Variants in AP3B1 observed in about 807,000 individuals in gnomAD.
AP3B1 encodes AP-3 complex subunit beta-1.
AP3B1 carries 61 observed loss-of-function variants against 132.5 expected under a neutral mutation model. The observed-to-expected ratio is 0.46, with a 90% CI of 0.37 to 0.57. The LOEUF is 0.57. Among genes scored for constraint, AP3B1 ranks in the 20% least tolerant of loss-of-function variants. The pLI is 0.00. For missense variants in AP3B1, 1,120 were observed against 1,289.4 expected (o/e 0.87, Z 2.01); for synonymous variants, 388 against 438.3 (o/e 0.89, Z 1.43).
At chr5:78,212,718 C>T (rs1168608369) in intron 7 of AP3B1, among the ~76,000 whole-genome samples, 2 of 152,044 alleles carry the variant, frequency 1.3e-5, no homozygotes, top group Non-Finnish European at 2.9e-5. Context: ...ACTGTTTCAC[C>T]TTGTCTTTTT....
intron 17 of AP3B1, among the ~76,000 whole-genome samples, chr5:78,126,800 A>T (rs1561425927): frequency 6.6e-6 from 1 of 152,190 alleles, no homozygotes; most frequent in East Asian, 1.9e-4. Flanking sequence ...ATACAGTAAC[A>T]GCATGGACAG....
At chr5:78,143,806 G>C (rs972974462) in intron 14 of AP3B1, among the ~76,000 whole-genome samples, 1 of 152,126 alleles carries the variant, frequency 6.6e-6, no homozygotes, top group Admixed American at 6.5e-5. Context: ...TTGAGGACAG[G>C]AGTTTGAGAC....
At chr5:78,177,238 A>G (rs1377622203) in intron 9 of AP3B1, 101 bp downstream of exon 9, 3 of 765,460 alleles carry the variant, frequency 3.9e-6, no homozygotes, top group African/African-American at 1.8e-5. Flanking sequence ...TGATTAAAAT[A>G]TAGTCAGAGT....
Position 78,083,684 on chromosome 5 carries a change from T to C in AP3B1, c.2577+5709A>G, listed in dbSNP as rs528970325. Among the ~76,000 whole-genome samples, 9 of 152,320 alleles carry C rather than the reference T, an allele frequency of 5.9e-5. No individual in the cohort carries two copies. The South Asian group carries it at 1.7e-3, about 28-fold the overall frequency. ...GCCAGTCTCTGGCAAGACTAAAACA[T>C]GCTGTGTTTATAAATAATATTTATT... is the stretch of plus-strand genomic sequence containing the variant. On this transcript the variant is annotated intron_variant, in intron 22 of 26. Transcript: ENST00000255194.
chr5:78,267,751 C>T (rs1446083786), intron 1 of AP3B1, among the ~76,000 whole-genome samples, 156 bp from the exon 2 acceptor site: 3 of 152,128 alleles, frequency 2.0e-5, no homozygotes, highest in Admixed American at 2.0e-4. Context: ...AGAAAGGCCT[C>T]AGCAGAAACC....
At chr5:78,036,686 A>C (rs1261295456) in intron 23 of AP3B1, among the ~76,000 whole-genome samples, 2 of 152,168 alleles carry the variant, frequency 1.3e-5, no homozygotes, top group Non-Finnish European at 2.9e-5. Flanking sequence ...ACACAGAGTG[A>C]AATCCAGAAA....
At chr5:78,111,280 C>G (rs1055862429) in intron 19 of AP3B1, among the ~76,000 whole-genome samples, 1 of 151,978 alleles carries the variant, frequency 6.6e-6, no homozygotes, top group Admixed American at 6.6e-5. Flanking sequence ...AATGATCATA[C>G]CTAAGTGCTT....
intron 3 of AP3B1, among the ~76,000 whole-genome samples, chr5:78,230,386 A>C (rs1032875983): frequency 6.7e-6 from 1 of 149,090 alleles, no homozygotes; most frequent in Non-Finnish European, 1.5e-5. Context: ...TAAATATGTT[A>C]AACACAACCA....
chr5:78,161,034 A>G (rs1743367080), intron 13 of AP3B1, among the ~76,000 whole-genome samples: 1 of 152,022 alleles, frequency 6.6e-6, no homozygotes, highest in Non-Finnish European at 1.5e-5. Flanking sequence ...TTGTATCAAA[A>G]AACAAAAGCC....
At chr5:78,030,185 G>C (rs950976010) in intron 24 of AP3B1, among the ~76,000 whole-genome samples, 2 of 151,768 alleles carry the variant, frequency 1.3e-5, no homozygotes, top group African/African-American at 2.4e-5. Context: ...GGAAAGCAGC[G>C]GCTATTCACA....
At chr5:78,291,489 A>T (rs1157844947) in intron 1 of AP3B1, among the ~76,000 whole-genome samples, 1 of 151,536 alleles carries the variant, frequency 6.6e-6, no homozygotes, top group East Asian at 1.9e-4. Context: ...TAGGAAAATT[A>T]ACATCATGAA....
rs1008660110 is a variant in AP3B1 at position 78,205,609 on chromosome 5, A to G, written c.786+10446T>C. Among the ~76,000 whole-genome samples the G allele has an allele frequency of 1.1e-4, 17 of 152,270 alleles. 1 individual carries two copies. The South Asian group carries it at 3.5e-3, about 32-fold the overall frequency. On this transcript the variant is annotated intron_variant, in intron 7 of 26. Transcript: ENST00000255194. ...TTGAGGAAGGCAGTAGCTAACCACT[A>G]AAGGAAATGTTAAAAAAGCAAAGGT...
At chr5:78,172,504 T>A (rs932253727) in intron 11 of AP3B1, among the ~76,000 whole-genome samples, 4 of 152,248 alleles carry the variant, frequency 2.6e-5, no homozygotes, top group Non-Finnish European at 4.4e-5. Flanking sequence ...TTCTTCTAGA[T>A]TTTCTAGTTG....
At chr5:78,181,769 G>A (rs576402363) in intron 7 of AP3B1, 107 bp from the exon 8 acceptor site, 307 of 918,512 alleles carry the variant, frequency 3.3e-4, no homozygotes, top group Non-Finnish European at 4.0e-4. Flanking sequence ...ACATTTTACC[G>A]TAGAATACTT....
At chr5:78,029,695 T>C (rs1747491449) in intron 24 of AP3B1, among the ~76,000 whole-genome samples, 1 of 152,138 alleles carries the variant, frequency 6.6e-6, no homozygotes, top group South Asian at 2.1e-4. Context: ...AGAGACAAGT[T>C]CTCGCTATGC....
At chr5:78,174,599 C>T (rs1744066994) in intron 11 of AP3B1, among the ~76,000 whole-genome samples, 1 of 152,200 alleles carries the variant, frequency 6.6e-6, no homozygotes, top group Non-Finnish European at 1.5e-5. Context: ...CTGGAAGCTT[C>T]GTCCCAGAGG....
intron 11 of AP3B1, among the ~76,000 whole-genome samples, chr5:78,174,745 C>T (rs1007416992): frequency 1.3e-5 from 2 of 152,274 alleles, no homozygotes; most frequent in African/African-American, 2.4e-5. Flanking sequence ...GGGAGAACCA[C>T]TGCTCTCTTC....
intron 3 of AP3B1, among the ~76,000 whole-genome samples, chr5:78,230,217 A>C (rs1746586768): frequency 6.6e-6 from 1 of 152,200 alleles, no homozygotes; most frequent in Non-Finnish European, 1.5e-5. Flanking sequence ...AAAATCTTCC[A>C]TTTATCTACA....
chr5:78,081,950 G>A (rs183214880), intron 22 of AP3B1, among the ~76,000 whole-genome samples: 5 of 151,962 alleles, frequency 3.3e-5, no homozygotes, highest in Admixed American at 1.3e-4. Flanking sequence ...CAGGTTTGGC[G>A]TGCAGTGACT....
Sources: allele counts gnomAD v4.1 joint callset (sites outside exome capture counted in the v4.1 genomes callset), GRCh38; gene constraint gnomAD v4.1.1; transcripts MANE v1.5; gene names NCBI Gene and HGNC (gene_info 2026-07-23, HGNC 2026-07-21).